Variants in NFIX observed in about 807,000 individuals in gnomAD.
NFIX encodes nuclear factor I X, also known as nuclear factor 1 X-type.
In NFIX, 2 loss-of-function variants were observed where a neutral mutation model predicts 53.3. That is an observed-to-expected ratio of 0.04 (90% CI 0.02 to 0.12). The LOEUF (loss-of-function observed/expected upper bound fraction) is 0.12, where lower values mean the gene tolerates loss of function less well. NFIX is among the 10% of genes least tolerant of loss of function. The pLI, the probability that NFIX is intolerant of heterozygous loss-of-function variation, is 1.00. For synonymous variants in NFIX, 244 were observed against 289.0 expected, an observed-to-expected ratio of 0.84 and a Z score of 1.58; for missense variants, 310 against 674.5, an observed-to-expected ratio of 0.46 and a Z score of 5.99.
At chr19:13,087,246 A>G (rs972821462) in intron 8 of NFIX, among the ~76,000 whole-genome samples, 3 of 152,144 alleles carry the variant, frequency 2.0e-5, no homozygotes, top group African/African-American at 7.2e-5. Flanking sequence ...GTTAGAAGCA[A>G]ATGAGGGCAT....
chr19:13,087,045 C>T (rs912956995), intron 8 of NFIX, among the ~76,000 whole-genome samples: 2 of 152,234 alleles, frequency 1.3e-5, no homozygotes, highest in Admixed American at 6.5e-5. Context: ...CCTGAGCCCA[C>T]GCTGCAGTGG....
At position 13,073,634 on chromosome 19, in the gene NFIX, G is replaced by T. The variant is rs1164542961; in HGVS notation, c.697+138G>T. On this transcript the variant is annotated intron_variant, in intron 4 of 10. Coordinates refer to ENST00000592199, the MANE Select transcript of NFIX (RefSeq NM_001365902.3). This position sits in a 1 kb window ranked among gnomAD's most constrained non-coding sequence, Gnocchi z 4.5. ...TTCTGGGACACTCTCGGCTTCACTG[G>T]TGCTGGGCTGGGTACAATAGAGTCT... 8 of 841,242 alleles carry T rather than the reference G, an allele frequency of 9.5e-6. No homozygotes were observed. The highest frequency in any genetic ancestry group is 1.6e-5 in the Non-Finnish European group (8 of 510,500). The allele number at this position is 841,242 out of a possible 1,614,324, so 52.1% of individuals were successfully genotyped here. A position where few individuals can be genotyped will look rare whatever the true frequency, so the allele number is the denominator to read the frequency against.
chr19:13,042,480 G>C (rs916287436), intron 2 of NFIX, among the ~76,000 whole-genome samples: 2 of 150,424 alleles, frequency 1.3e-5, no homozygotes, highest in Non-Finnish European at 3.0e-5. Flanking sequence ...TCAGCTTCAG[G>C]AGAAGCTGGG....
chr19:13,012,682 G>A lies in NFIX; in HGVS notation c.28-12339G>A, dbSNP rs2012426567. Among the ~76,000 whole-genome samples the A allele has an allele frequency of 3.3e-5, 5 of 152,238 alleles. No homozygotes were observed. Among genetic ancestry groups the A allele is most frequent in the Admixed American group, 3.3e-4 (5 of 15,290 alleles). On this transcript the variant is annotated intron_variant, in intron 1 of 10. Coordinates refer to ENST00000592199, the MANE Select transcript of NFIX (RefSeq NM_001365902.3). This position sits in a 1 kb window ranked among gnomAD's most constrained non-coding sequence, Gnocchi z 5.0. Reference sequence around the variant, plus strand: ...CCGACGGAGGATAATGCGCGTTGGAGGGCTTTGGCCGTGAATGCGATGTTG... The same window carrying A: ...CCGACGGAGGATAATGCGCGTTGGAAGGCTTTGGCCGTGAATGCGATGTTG...
rs374603733 is a variant in NFIX, at chr19:13,073,113, A to G, written c.622+4A>G. On this transcript the variant is annotated splice_donor_region_variant and intron_variant, in intron 3 of 10. Coordinates refer to ENST00000592199, the MANE Select transcript of NFIX (RefSeq NM_001365902.3). The surrounding 1 kb of genome is among the most constrained non-coding windows in gnomAD (Gnocchi z 4.5). ...GACATCAAACCACTGCCCAACGGTC[A>G]GTGCCCCCCACCTGCCCAGCTGCCC... is the stretch of plus-strand genomic sequence containing the variant. The G allele has an allele frequency of 9.3e-6, 15 of 1,613,954 alleles. No individual in the cohort carries two copies. The African/African-American group carries it at 9.3e-5, about 10-fold the overall frequency.
chr19:13,094,729 A>T lies in NFIX; in HGVS notation c.*80A>T. On this transcript the variant is annotated 3_prime_UTR_variant, in exon 11 of 11. Transcript: ENST00000592199. The surrounding 1 kb of genome is among the most constrained non-coding windows in gnomAD (Gnocchi z 4.3). ...GAGAAGAAATTTTGAGAATGGAAAA[A>T]TCCCCCAGCCCAGCCCAGCCCCACC... The T allele has an allele frequency of 6.9e-7, 1 of 1,449,314 alleles. No individual in the cohort carries two copies. Among genetic ancestry groups the T allele is most frequent in the South Asian group, 1.2e-5 (1 of 82,110 alleles). The allele number at this position is 1,449,314 out of a possible 1,614,324, so 89.8% of individuals were successfully genotyped here. A position where few individuals can be genotyped will look rare whatever the true frequency, so the allele number is the denominator to read the frequency against.
Position 13,073,429 on chromosome 19 carries a change from A to T in NFIX, c.630A>T (p.Leu210Phe). ...ATCCTTTCCCCTCTTCAGGGCACTT[A>T]AGTTTCCAGGACTGTTTTGTGACTT... Reference protein sequence around the residue: ...ADIKPLPNGHLSFQDCFVTSG... With the variant: ...ADIKPLPNGHFSFQDCFVTSG... The change falls in exon 4 of 11, where the codon TTA (leucine) becomes TTT (phenylalanine). Residue 210 changes from leucine to phenylalanine, a missense_variant. This residue lies in a region of NFIX where 164 missense variants were observed against 284.4 expected (regional missense o/e 0.58). Transcript: ENST00000592199. The surrounding 1 kb of genome is among the most constrained non-coding windows in gnomAD (Gnocchi z 4.5). 6.2e-7 allele frequency: 1 copy of T among 1,613,832 alleles called. No individual in the cohort carries two copies. Among genetic ancestry groups the T allele is most frequent in the Non-Finnish European group, 8.5e-7 (1 of 1,179,784 alleles).
At chr19:13,004,769 C>G (rs2011922619) in intron 1 of NFIX, among the ~76,000 whole-genome samples, 1 of 125,792 alleles carries the variant, frequency 7.9e-6, no homozygotes, top group Non-Finnish European at 1.7e-5. Context: ...CCACCCTCAC[C>G]TCCTTGCTCC....
rs2011731258 is a variant in NFIX, at chr19:13,002,000, T to C, written c.27+6136T>C. ...CCTCCCTCTGTCTGCCCGGCGCACA[T>C]TGATCTTGGCTTCTGCCTGTGTCCG... On this transcript the variant is annotated intron_variant, in intron 1 of 10. Transcript: ENST00000592199. This position sits in a 1 kb window ranked among gnomAD's most constrained non-coding sequence, Gnocchi z 6.5. 6.6e-6 allele frequency among the ~76,000 whole-genome samples: 1 copy of C among 152,116 alleles called. No homozygotes were observed. Among genetic ancestry groups the C allele is most frequent in the Non-Finnish European group, 1.5e-5 (1 of 67,994 alleles).
intron 1 of NFIX, among the ~76,000 whole-genome samples, chr19:13,017,014 C>T (rs980560352): frequency 5.9e-5 from 9 of 152,172 alleles, no homozygotes; most frequent in Non-Finnish European, 1.0e-4. Flanking sequence ...AGAGCGAGGG[C>T]GCCTCTTTTC....
Position 13,090,359 on chromosome 19 carries a change from G to A in NFIX, c.1463G>A (p.Gly488Asp). ...TTTGTCAGCATCGGACCCCGGGACG[G>A]CAACTTTCTGAACATCCCACAGCAG... ...NRFVSIGPRD[G>D]NFLNIPQQSQ... Residue 488 changes from glycine (G) to aspartate (D), a missense_variant, in exon 10 of 11, where the codon GGC (glycine) becomes GAC (aspartate). Gly to Asp is a moderately conservative substitution (Grantham distance 94). Around this residue, in one of 5 missense-constraint regions of NFIX, gnomAD observed 44 missense variants for 73.4 expected, o/e 0.60. Transcript: ENST00000592199. This position sits in a 1 kb window ranked among gnomAD's most constrained non-coding sequence, Gnocchi z 6.6. 1 of 1,613,954 alleles carries A rather than the reference G, an allele frequency of 6.2e-7. No individual in the cohort carries two copies. Among genetic ancestry groups the A allele is most frequent in the Non-Finnish European group, 8.5e-7 (1 of 1,179,876 alleles).
rs766690895 is a variant in NFIX, at chr19:13,039,220, A to ACC, written c.559+13676_559+13677dup. Among the ~76,000 whole-genome samples, 1,197 of 135,636 alleles carry ACC rather than the reference A, an allele frequency of 8.8e-3. 13 individuals carry two copies. Among genetic ancestry groups the ACC allele is most frequent in the African/African-American group, 0.028 (906 of 32,182 alleles). 89.0% of individuals were successfully genotyped at this position (135,636 alleles called of 152,430 possible). A position where few individuals can be genotyped will look rare whatever the true frequency, so the allele number is the denominator to read the frequency against. ...TACATGCATTTCTTTTAAATTAAACACCCCCCCCCACACACACACATACAC... is the reference window on the plus strand; with the variant it reads ...TACATGCATTTCTTTTAAATTAAACACCCCCCCCCCCACACACACACATACAC... On this transcript the variant is annotated intron_variant, in intron 2 of 10. Coordinates refer to ENST00000592199, the MANE Select transcript of NFIX (RefSeq NM_001365902.3).
chr19:13,004,495 G>A (rs58967994), intron 1 of NFIX, among the ~76,000 whole-genome samples: 13,041 of 152,072 alleles, frequency 0.086, 1,098 homozygotes, highest in African/African-American at 0.22. Flanking sequence ...ACACATATTC[G>A]CACCTGGGCC....
chr19:13,061,610 C>A (rs552352596), intron 2 of NFIX, among the ~76,000 whole-genome samples: 1 of 152,282 alleles, frequency 6.6e-6, no homozygotes, highest in East Asian at 1.9e-4. Context: ...CTGAGCCGCG[C>A]CGCTCCCTGA....
chr19:13,091,852 G>C (rs898078797), intron 10 of NFIX, among the ~76,000 whole-genome samples: 5 of 152,240 alleles, frequency 3.3e-5, no homozygotes, highest in African/African-American at 1.2e-4. Flanking sequence ...GCCACGAGCC[G>C]TCCCTGCTAA....
intron 2 of NFIX, among the ~76,000 whole-genome samples, chr19:13,056,308 C>G (rs1283780330): frequency 1.3e-5 from 2 of 152,170 alleles, no homozygotes; most frequent in Non-Finnish European, 2.9e-5. Context: ...AGGCTTGGCT[C>G]TGGACCCGAC....
chr19:13,093,852 G>T lies in NFIX; in HGVS notation c.1495-783G>T, dbSNP rs561625579. Among the ~76,000 whole-genome samples, 2 of 152,218 alleles carry T rather than the reference G, an allele frequency of 1.3e-5. No homozygotes were observed. Among genetic ancestry groups the T allele is most frequent in the South Asian group, 2.1e-4 (1 of 4,832 alleles). On this transcript the variant is annotated intron_variant, in intron 10 of 10. Coordinates refer to ENST00000592199, the MANE Select transcript of NFIX (RefSeq NM_001365902.3). This position sits in a 1 kb window ranked among gnomAD's most constrained non-coding sequence, Gnocchi z 4.7. Reference sequence around the variant, plus strand: ...AGGTGGGGCTGGAGCCTTGGATGGAGGGCGTAGCCAAGCAGCCCAGACCCT... The same window carrying T: ...AGGTGGGGCTGGAGCCTTGGATGGATGGCGTAGCCAAGCAGCCCAGACCCT...
At position 13,005,920 on chromosome 19, in the gene NFIX, C is replaced by T. The variant is rs2011989344; in HGVS notation, c.27+10056C>T. On this transcript the variant is annotated intron_variant, in intron 1 of 10. Transcript: ENST00000592199. The surrounding 1 kb of genome is among the most constrained non-coding windows in gnomAD (Gnocchi z 4.7). ...ACCCCCGCAGGTCCAAACATCCTCTCCCACACCTTGCTGGGCACCCAGCCG... is the reference window on the plus strand; with the variant it reads ...ACCCCCGCAGGTCCAAACATCCTCTTCCACACCTTGCTGGGCACCCAGCCG... Among the ~76,000 whole-genome samples the T allele has an allele frequency of 6.6e-6, 1 of 152,238 alleles. No homozygotes were observed. The highest frequency in any genetic ancestry group is 1.5e-5 in the Non-Finnish European group (1 of 68,046).
At position 13,095,799 on chromosome 19, in the gene NFIX, T is replaced by C. The variant is rs2018412328; in HGVS notation, c.*1150T>C. Reference sequence around the variant, plus strand: ...GGGTGTCGTCCTTTTCAAAAGTGTTTTGGAGCTTTCTGTGCCCCCCGACTT... The same window carrying C: ...GGGTGTCGTCCTTTTCAAAAGTGTTCTGGAGCTTTCTGTGCCCCCCGACTT... On this transcript the variant is annotated 3_prime_UTR_variant, in exon 11 of 11. Coordinates refer to ENST00000592199, the MANE Select transcript of NFIX (RefSeq NM_001365902.3). 6.6e-6 allele frequency: 1 copy of C among 152,274 alleles called. No homozygotes were observed. The highest frequency in any genetic ancestry group is 6.5e-5 in the Admixed American group (1 of 15,278). 9.4% of individuals were successfully genotyped at this position (152,274 alleles called of 1,614,324 possible). A position where few individuals can be genotyped will look rare whatever the true frequency, so the allele number is the denominator to read the frequency against.
Sources: allele counts gnomAD v4.1 joint callset (sites outside exome capture counted in the v4.1 genomes callset), GRCh38; gene constraint gnomAD v4.1.1; regional missense constraint gnomAD v4.1.1; non-coding constraint Gnocchi (gnomAD v3.1); transcripts MANE v1.5; gene names NCBI Gene and HGNC (gene_info 2026-07-23, HGNC 2026-07-21).